The following CDK19 variants were observed in gnomAD, a reference collection of about 807,000 sequenced individuals.
The protein encoded by CDK19 is cyclin-dependent kinase 19.
CDK19 carries 20 observed loss-of-function variants against 68.3 expected under a neutral mutation model. That is an observed-to-expected ratio of 0.29 (90% CI 0.21 to 0.43). CDK19 has a LOEUF of 0.43. Among genes scored for constraint, CDK19 ranks in the 20% least tolerant of loss-of-function variants. The pLI is 1.00. For missense variants in CDK19, 339 were observed against 623.5 expected (o/e 0.54, Z 4.86); for synonymous variants, 221 against 222.8 (o/e 0.99, Z 0.07).
chr6:110,786,664 G>T (rs747411960), intron 1 of CDK19, among the ~76,000 whole-genome samples: 2 of 146,852 alleles, frequency 1.4e-5, no homozygotes, highest in African/African-American at 2.4e-5. Flanking sequence ...AATGTGTTTG[G>T]GGGCAAATAG....
chr6:110,690,740 T>A (rs146228076), intron 2 of CDK19, among the ~76,000 whole-genome samples: 37 of 152,152 alleles, frequency 2.4e-4, no homozygotes, highest in African/African-American at 8.7e-4. Context: ...GAGACAGTCA[T>A]CAAAGACTCT....
At position 110,807,407 on chromosome 6, in the gene CDK19, A is replaced by G. The variant is rs185647664; in HGVS notation, c.128+7602T>C. Among the ~76,000 whole-genome samples the G allele has an allele frequency of 2.3e-3, 353 of 152,326 alleles. 1 individual carries two copies. Among genetic ancestry groups the G allele is most frequent in the Admixed American group, 7.8e-3 (119 of 15,288 alleles). ...ACAACCAAGAATGACTGCCCCTAAA[A>G]AAGGGAAAGAATGGCTGGGAAAGGG... On this transcript the variant is annotated intron_variant, in intron 1 of 12. Transcript: ENST00000368911.
At chr6:110,643,738 C>T (rs1780354299) in intron 4 of CDK19, among the ~76,000 whole-genome samples, 1 of 151,970 alleles carries the variant, frequency 6.6e-6, no homozygotes, top group Non-Finnish European at 1.5e-5. Flanking sequence ...TGTAGAAATG[C>T]AACTGGAAAA....
In CDK19 at chr6:110,646,119, C is replaced by T. The variant is rs541865094; in HGVS notation, c.457-7413G>A. 8 of 895,152 alleles carry T rather than the reference C, an allele frequency of 8.9e-6. No individual in the cohort carries two copies. The South Asian group carries it at 1.2e-4, about 13-fold the overall frequency. The allele number at this position is 895,152 out of a possible 1,614,324, so 55.5% of individuals were successfully genotyped here. A position where few individuals can be genotyped will look rare whatever the true frequency, so the allele number is the denominator to read the frequency against. ...GCAAGGCACCTCCTTCGAGGTGATTCTCATCTCTGATGCTAACACCTTCGG... is the reference window on the plus strand; with the variant it reads ...GCAAGGCACCTCCTTCGAGGTGATTTTCATCTCTGATGCTAACACCTTCGG... On this transcript the variant is annotated intron_variant, in intron 4 of 12. Coordinates refer to ENST00000368911, the MANE Select transcript of CDK19 (RefSeq NM_015076.5).
intron 2 of CDK19, among the ~76,000 whole-genome samples, chr6:110,725,568 G>C (rs905849618): frequency 6.6e-6 from 1 of 152,156 alleles, no homozygotes; most frequent in African/African-American, 2.4e-5. Flanking sequence ...GAGAGAGAGA[G>C]AGAAACAGAT....
chr6:110,685,275 C>G (rs991323696), intron 2 of CDK19, among the ~76,000 whole-genome samples: 1 of 152,222 alleles, frequency 6.6e-6, no homozygotes, highest in Non-Finnish European at 1.5e-5. Flanking sequence ...AGGTGCTCTT[C>G]TCTCTGCCTA....
chr6:110,775,586 G>A (rs912725877), intron 1 of CDK19, among the ~76,000 whole-genome samples: 1 of 152,106 alleles, frequency 6.6e-6, no homozygotes, highest in African/African-American at 2.4e-5. Context: ...AGGCTTTTCA[G>A]AAAACATTCA....
chr6:110,717,584 G>A (rs1329585532), intron 2 of CDK19, among the ~76,000 whole-genome samples: 2 of 152,142 alleles, frequency 1.3e-5, no homozygotes, highest in Non-Finnish European at 2.9e-5. Context: ...CGGTACATGT[G>A]AAAAGTCAAA....
In CDK19 at chr6:110,622,083, T is replaced by C. The variant is rs767567521; in HGVS notation, c.1110+5A>G. On this transcript the variant is annotated splice_donor_5th_base_variant and intron_variant, in intron 11 of 12. Coordinates refer to ENST00000368911, the MANE Select transcript of CDK19 (RefSeq NM_015076.5). The stretch of plus-strand genomic sequence containing the variant: ...GGAAGTGAAAGTATACCGTGCAGTT[T>C]ATACCTTGTCACCTTTTTCTTCAGG... The C allele has an allele frequency of 6.3e-7, 1 of 1,599,536 alleles. No individual in the cohort carries two copies. Among genetic ancestry groups the C allele is most frequent in the South Asian group, 1.1e-5 (1 of 90,326 alleles).
intron 1 of CDK19, among the ~76,000 whole-genome samples, chr6:110,798,637 AAAAAAAAAAAAAG>A (rs1282863711): frequency 1.3e-5 from 2 of 151,062 alleles, no homozygotes; most frequent in Non-Finnish European, 3.0e-5. Flanking sequence ...AGAAAAAAAA[AAAAAAAAAAAAAG>A]AAAGAAAGAA....
chr6:110,619,368 G>T (rs1270925386), intron 12 of CDK19, among the ~76,000 whole-genome samples: 1 of 152,094 alleles, frequency 6.6e-6, no homozygotes, highest in Admixed American at 6.5e-5. Context: ...GGCAGTCAAG[G>T]TTTTAACCAA....
At chr6:110,788,091 C>T (rs1467823132) in intron 1 of CDK19, among the ~76,000 whole-genome samples, 12 of 152,122 alleles carry the variant, frequency 7.9e-5, no homozygotes, top group Admixed American at 5.2e-4. Flanking sequence ...CTGCCCACCT[C>T]GGCCTCCCAA....
At chr6:110,810,541 G>A (rs926390882) in intron 1 of CDK19, among the ~76,000 whole-genome samples, 6 of 152,256 alleles carry the variant, frequency 3.9e-5, no homozygotes, top group East Asian at 1.9e-4. Flanking sequence ...TTGGGAGGCC[G>A]AGGCAGGTGG....
intron 6 of CDK19, among the ~76,000 whole-genome samples, chr6:110,628,153 G>A (rs1779207953): frequency 6.6e-6 from 1 of 152,152 alleles, no homozygotes; most frequent in East Asian, 1.9e-4. Flanking sequence ...AGAGGTTGCA[G>A]TGAGCCAAGA....
intron 5 of CDK19, among the ~76,000 whole-genome samples, chr6:110,636,158 C>T (rs1026937957): frequency 1.3e-5 from 2 of 151,960 alleles, no homozygotes; most frequent in African/African-American, 4.8e-5. Context: ...AGAAATGTGA[C>T]GAATGGTACA....
rs1391903930 is a variant in CDK19 at position 110,746,286 on chromosome 6, T to TA, written c.129-86dup. ...ACTACAAAAACAATGGAAATGCACT[T>TA]AATTTCTCAGTGATATGTAAACATT... On this transcript the variant is annotated intron_variant, in intron 1 of 12. Transcript: ENST00000368911. The TA allele has an allele frequency of 4.0e-6, 3 of 754,300 alleles. No individual in the cohort carries two copies. In the African/African-American group the frequency reaches 5.4e-5, roughly 14 times the overall value. 46.7% of individuals were successfully genotyped at this position (754,300 alleles called of 1,614,324 possible).
At chr6:110,721,384 CAG>C (rs1775878673) in intron 2 of CDK19, among the ~76,000 whole-genome samples, 1 of 152,034 alleles carries the variant, frequency 6.6e-6, no homozygotes, top group South Asian at 2.1e-4. Context: ...ACAAACCATC[CAG>C]AGTTTGGAGG....
intron 2 of CDK19, among the ~76,000 whole-genome samples, chr6:110,676,402 G>A (rs182241216): frequency 1.3e-5 from 2 of 152,328 alleles, no homozygotes; most frequent in Admixed American, 1.3e-4. Context: ...AACTTAGTTG[G>A]TAAAGTAGTG....
rs572790868 is a variant in CDK19, at chr6:110,734,425, C to G, written c.204+11701G>C. The stretch of plus-strand genomic sequence containing the variant: ...TTGTGGAACACAACAAAAATTTACA[C>G]ATTGCTGTTTTAATAACTACAGTTT... On this transcript the variant is annotated intron_variant, in intron 2 of 12. Coordinates refer to ENST00000368911, the MANE Select transcript of CDK19 (RefSeq NM_015076.5). Among the ~76,000 whole-genome samples, 9 of 152,056 alleles carry G rather than the reference C, an allele frequency of 5.9e-5. No individual in the cohort carries two copies. In the South Asian group the frequency reaches 1.7e-3, roughly 28 times the overall value.
Sources: gnomAD v4.1 joint callset for allele counts (sites outside exome capture counted in the v4.1 genomes callset) on GRCh38, gnomAD v4.1.1 for gene constraint, MANE v1.5 for transcripts, NCBI Gene and HGNC (gene_info 2026-07-23, HGNC 2026-07-21) for gene names.